Variants in KCNQ1 observed in about 807,000 individuals in gnomAD.
KCNQ1 encodes potassium voltage-gated channel subfamily KQT member 1.
In KCNQ1, 49 loss-of-function variants were observed where a neutral mutation model predicts 72.4. The ratio of observed to expected loss-of-function variants is 0.68; its 90% CI spans 0.54 to 0.86. The LOEUF (loss-of-function observed/expected upper bound fraction) is 0.86. KCNQ1 is among the 40% of genes least tolerant of loss of function. KCNQ1 has a pLI of 0.00. For missense variants in KCNQ1, 790 were observed against 945.1 expected (o/e 0.84, Z 2.15); for synonymous variants, 450 against 412.6 (o/e 1.09, Z -1.10).
intron 1 of KCNQ1, among the ~76,000 whole-genome samples, chr11:2,521,256 G>A (rs555775459): frequency 9.9e-5 from 15 of 152,056 alleles, no homozygotes; most frequent in South Asian, 6.2e-4. Context: ...CTCCGCAACC[G>A]TGGATCCGTC....
intron 1 of KCNQ1, among the ~76,000 whole-genome samples, chr11:2,490,846 G>A (rs1846825238): frequency 6.6e-6 from 1 of 152,144 alleles, no homozygotes. Context: ...GTGCCATCAT[G>A]CCTGGCTAAT....
chr11:2,539,565 C>T (rs1382389679), intron 2 of KCNQ1, among the ~76,000 whole-genome samples: 2 of 152,168 alleles, frequency 1.3e-5, no homozygotes, highest in African/African-American at 2.4e-5. Context: ...AAGGGAACAC[C>T]GCCATGGTGC....
intron 15 of KCNQ1, among the ~76,000 whole-genome samples, chr11:2,835,828 A>G (rs1848052563): frequency 6.6e-6 from 1 of 152,194 alleles, no homozygotes; most frequent in Non-Finnish European, 1.5e-5. Flanking sequence ...CAGCGGGCTC[A>G]GCCTGCAGTG....
rs1848718218 is a variant in KCNQ1 at position 2,595,190 on chromosome 11, C to T, written c.1393+6336C>T. On this transcript the variant is annotated intron_variant, in intron 10 of 15. Coordinates refer to ENST00000155840, the MANE Select transcript of KCNQ1 (RefSeq NM_000218.3). The surrounding 1 kb of genome is among the most constrained non-coding windows in gnomAD (Gnocchi z 5.0). ...GAGAGTTTTATTTTATAAAATAAAACTGTCTTTATTTGCAGAAGACATGGT... is the reference window on the plus strand; with the variant it reads ...GAGAGTTTTATTTTATAAAATAAAATTGTCTTTATTTGCAGAAGACATGGT... 6.6e-6 allele frequency among the ~76,000 whole-genome samples: 1 copy of T among 152,054 alleles called. No homozygotes were observed. The highest frequency in any genetic ancestry group is 1.5e-5 in the Non-Finnish European group (1 of 67,994).
At position 2,645,635 on chromosome 11, in the gene KCNQ1, T is replaced by C. The variant is rs1399370799; in HGVS notation, c.1394-16326T>C. On this transcript the variant is annotated intron_variant, in intron 10 of 15. Coordinates refer to ENST00000155840, the MANE Select transcript of KCNQ1 (RefSeq NM_000218.3). The surrounding 1 kb of genome is among the most constrained non-coding windows in gnomAD (Gnocchi z 5.8). ...CTATGGGCAGGGTCACCTTTCCTCA[T>C]GGCAGCCTTGCTTCGGAGGTAGCAG... 7.5e-6 allele frequency: 3 copies of C among 398,676 alleles called. No individual in the cohort carries two copies. 24.7% of individuals were successfully genotyped at this position (398,676 alleles called of 1,614,324 possible).
chr11:2,660,637 A>G, intron 10 of KCNQ1: 1 of 398,668 alleles, frequency 2.5e-6, no homozygotes, highest in Non-Finnish European at 4.4e-6. Context: ...TTCAACACAG[A>G]TGGAAATAAC....
Position 2,762,944 on chromosome 11 carries a change from G to A in KCNQ1, c.1515-5900G>A, listed in dbSNP as rs912448804. The stretch of plus-strand genomic sequence containing the variant: ...CACACGCTCTTAATCAAGCCCTGTG[G>A]CCTCATGAAACCCTAGGAGTGTCAG... On this transcript the variant is annotated intron_variant, in intron 11 of 15. Coordinates refer to ENST00000155840, the MANE Select transcript of KCNQ1 (RefSeq NM_000218.3). This position sits in a 1 kb window ranked among gnomAD's most constrained non-coding sequence, Gnocchi z 4.3. 3.3e-5 allele frequency among the ~76,000 whole-genome samples: 5 copies of A among 152,138 alleles called. No individual in the cohort carries two copies. Among genetic ancestry groups the A allele is most frequent in the African/African-American group, 9.7e-5 (4 of 41,404 alleles).
In KCNQ1 at chr11:2,752,533, G is replaced by A. The variant is rs534164658; in HGVS notation, c.1515-16311G>A. 3.3e-5 allele frequency among the ~76,000 whole-genome samples: 5 copies of A among 152,248 alleles called. No homozygotes were observed. Among genetic ancestry groups the A allele is most frequent in the East Asian group, 1.9e-4 (1 of 5,180 alleles). On this transcript the variant is annotated intron_variant, in intron 11 of 15. Coordinates refer to ENST00000155840, the MANE Select transcript of KCNQ1 (RefSeq NM_000218.3). This position sits in a 1 kb window ranked among gnomAD's most constrained non-coding sequence, Gnocchi z 5.2. ...AGACTGGGAAGCACAGGGTCAGGGC[G>A]CCAGCAGATCTGGTGTCTGGTAAGG...
chr11:2,676,436 G>A lies in KCNQ1; in HGVS notation c.1514+14355G>A. ...CAATGGGCTGGGCTTTTCCCAGATA[G>A]GACATGCTCACTGTTCTGCTCAGAT... On this transcript the variant is annotated intron_variant, in intron 11 of 15. Coordinates refer to ENST00000155840, the MANE Select transcript of KCNQ1 (RefSeq NM_000218.3). The surrounding 1 kb of genome is among the most constrained non-coding windows in gnomAD (Gnocchi z 4.2). 1 of 398,640 alleles carries A rather than the reference G, an allele frequency of 2.5e-6. No homozygotes were observed. The highest frequency in any genetic ancestry group is 4.4e-6 in the Non-Finnish European group (1 of 226,074). The allele number at this position is 398,640 out of a possible 1,614,324, so 24.7% of individuals were successfully genotyped here. A position where few individuals can be genotyped will look rare whatever the true frequency, so the allele number is the denominator to read the frequency against.
rs1293739010 is a variant in KCNQ1, at chr11:2,769,683, T to C, written c.1590+764T>C. Among the ~76,000 whole-genome samples the C allele has an allele frequency of 6.6e-6, 1 of 152,064 alleles. No homozygotes were observed. Among genetic ancestry groups the C allele is most frequent in the Non-Finnish European group, 1.5e-5 (1 of 67,990 alleles). On this transcript the variant is annotated intron_variant, in intron 12 of 15. Coordinates refer to ENST00000155840, the MANE Select transcript of KCNQ1 (RefSeq NM_000218.3). The surrounding 1 kb of genome is among the most constrained non-coding windows in gnomAD (Gnocchi z 4.6). ...AGGTGTGGGAACCCCGTATCCTCTG[T>C]GGTGGGTGATCCAGAAGGCAAAAAT...
intron 10 of KCNQ1, chr11:2,619,470 T>C (rs1849127565): frequency 2.5e-6 from 1 of 398,630 alleles, no homozygotes; most frequent in Non-Finnish European, 4.4e-6. Flanking sequence ...ATCACATTGA[T>C]TGCTACATGT....
chr11:2,572,742 G>T, intron 5 of KCNQ1, 104 bp from the exon 6 acceptor site: 1 of 1,483,054 alleles, frequency 6.7e-7, no homozygotes. Context: ...CTGGAGCGGC[G>T]TAGGACGCCC....
At position 2,658,163 on chromosome 11, in the gene KCNQ1, A is replaced by G. The variant is rs1382748732; in HGVS notation, c.1394-3798A>G. On this transcript the variant is annotated intron_variant, in intron 10 of 15. Transcript: ENST00000155840. The surrounding 1 kb of genome is among the most constrained non-coding windows in gnomAD (Gnocchi z 4.9). Reference sequence around the variant, plus strand: ...TACCACAGCAATTAAAATACATTTCAAGGAAGAAACTGTGAAGTTTCTGAG... The same window carrying G: ...TACCACAGCAATTAAAATACATTTCGAGGAAGAAACTGTGAAGTTTCTGAG... 7.8e-5 allele frequency: 31 copies of G among 398,534 alleles called. No individual in the cohort carries two copies. The East Asian group carries it at 1.1e-3, about 14-fold the overall frequency. The allele number at this position is 398,534 out of a possible 1,614,324, so 24.7% of individuals were successfully genotyped here.
Position 2,784,908 on chromosome 11 carries a change from C to A in KCNQ1, c.1794+6871C>A, listed in dbSNP as rs1383042920. 6.6e-5 allele frequency among the ~76,000 whole-genome samples: 10 copies of A among 151,812 alleles called. No homozygotes were observed. The highest frequency in any genetic ancestry group is 5.2e-4 in the Admixed American group (8 of 15,264). On this transcript the variant is annotated intron_variant, in intron 15 of 15. Transcript: ENST00000155840. This position sits in a 1 kb window ranked among gnomAD's most constrained non-coding sequence, Gnocchi z 4.7. ...CTGACTTTTCTATTCTTGGCTTTAGCCATTTTTGTTGTTGCTATTGATTTC... is the reference window on the plus strand; with the variant it reads ...CTGACTTTTCTATTCTTGGCTTTAGACATTTTTGTTGTTGCTATTGATTTC...
chr11:2,470,721 A>G (rs931968688), intron 1 of KCNQ1, among the ~76,000 whole-genome samples: 8 of 149,312 alleles, frequency 5.4e-5, no homozygotes, highest in Non-Finnish European at 1.0e-4. Context: ...GGGGGTGCTT[A>G]GAATTTTATT....
rs1481926221 is a variant in KCNQ1 at position 2,652,667 on chromosome 11, T to C, written c.1394-9294T>C. 5.0e-6 allele frequency: 2 copies of C among 398,350 alleles called. No individual in the cohort carries two copies. The highest frequency in any genetic ancestry group is 3.6e-5 in the East Asian group (1 of 28,074). The allele number at this position is 398,350 out of a possible 1,614,324, so 24.7% of individuals were successfully genotyped here. On this transcript the variant is annotated intron_variant, in intron 10 of 15. Coordinates refer to ENST00000155840, the MANE Select transcript of KCNQ1 (RefSeq NM_000218.3). This position sits in a 1 kb window ranked among gnomAD's most constrained non-coding sequence, Gnocchi z 5.9. ...CCTGCAGCATGGAGACCCGGGTGGG[T>C]CGATTTTAGTTGTGTGGGTGGCTGT... is the stretch of plus-strand genomic sequence containing the variant.
chr11:2,778,614 G>A (rs1416047863), intron 15 of KCNQ1, among the ~76,000 whole-genome samples: 1 of 146,744 alleles, frequency 6.8e-6, no homozygotes, highest in Non-Finnish European at 1.5e-5. Flanking sequence ...CAGGCACCCT[G>A]GGAGCTGCCG....
At chr11:2,519,781 C>T (rs946811792) in intron 1 of KCNQ1, among the ~76,000 whole-genome samples, 1 of 138,940 alleles carries the variant, frequency 7.2e-6, no homozygotes, top group African/African-American at 2.8e-5. Flanking sequence ...TGGCCCCCCC[C>T]CACAACATTG....
intron 11 of KCNQ1, among the ~76,000 whole-genome samples, chr11:2,718,707 C>G (rs918773993): frequency 5.9e-5 from 9 of 152,192 alleles, no homozygotes; most frequent in Admixed American, 1.3e-4. Context: ...AGGGGAAGGG[C>G]AGTTGCAGTT....
Sources: allele counts gnomAD v4.1 joint callset (sites outside exome capture counted in the v4.1 genomes callset), GRCh38; gene constraint gnomAD v4.1.1; non-coding constraint Gnocchi (gnomAD v3.1); transcripts MANE v1.5; gene names NCBI Gene and HGNC (gene_info 2026-07-23, HGNC 2026-07-21).